Variants in ASIC2 observed in about 807,000 individuals in gnomAD.
The protein encoded by ASIC2 is acid-sensing ion channel 2.
A neutral mutation model predicts 57.3 loss-of-function variants in ASIC2; 25 were observed. The observed-to-expected ratio is 0.44, with a 90% confidence interval of 0.32 to 0.61. ASIC2 has a LOEUF of 0.61. Ranked by LOEUF, ASIC2 falls within the 20% of genes least tolerant of loss-of-function variation. ASIC2 has a pLI of 0.06. For synonymous variants in ASIC2, 319 were observed against 307.5 expected (o/e 1.04, Z -0.39); for missense variants, 641 against 738.1 (o/e 0.87, Z 1.52).
At chr17:33,830,457 G>C (rs1368863110) in intron 1 of ASIC2, among the ~76,000 whole-genome samples, 1 of 152,098 alleles carries the variant, frequency 6.6e-6, no homozygotes, top group African/African-American at 2.4e-5. Context: ...TTGTGGTCAT[G>C]TGGACCTCCC....
intron 1 of ASIC2, among the ~76,000 whole-genome samples, chr17:33,924,759 C>T (rs1314821879): frequency 6.6e-6 from 1 of 152,190 alleles, no homozygotes; most frequent in Admixed American, 6.5e-5. Context: ...CCTGCTGTCT[C>T]GGGCTGTTCA....
chr17:33,088,852 A>G lies in ASIC2; in HGVS notation c.987+11T>C, dbSNP rs1277415471. On this transcript the variant is annotated intron_variant, in intron 3 of 9. Coordinates refer to ENST00000225823, the MANE Select transcript of ASIC2 (RefSeq NM_183377.2). ...TGAGGACCATCAATCCTGGGAGCCC[A>G]GGGAACTTACCCTCTGCTCCTGTGT... 7 of 1,606,516 alleles carry G rather than the reference A, an allele frequency of 4.4e-6. No homozygotes were observed. The highest frequency in any genetic ancestry group is 1.3e-5 in the African/African-American group (1 of 74,838).
chr17:33,917,278 C>A (rs541422129), intron 1 of ASIC2, among the ~76,000 whole-genome samples: 2 of 152,300 alleles, frequency 1.3e-5, no homozygotes, highest in South Asian at 4.1e-4. Flanking sequence ...GGTGTCCCAA[C>A]AGGGCCTCAG....
intron 1 of ASIC2, among the ~76,000 whole-genome samples, chr17:33,474,771 G>A (rs181293536): frequency 3.9e-5 from 6 of 152,352 alleles, no homozygotes; most frequent in African/African-American, 1.4e-4. Context: ...AGGTGACAGA[G>A]GGTGGAGAGT....
intron 1 of ASIC2, among the ~76,000 whole-genome samples, chr17:33,344,872 T>A (rs1907881530): frequency 6.6e-6 from 1 of 151,930 alleles, no homozygotes; most frequent in Non-Finnish European, 1.5e-5. Flanking sequence ...TACTCTTGAA[T>A]GAATGAATAT....
intron 1 of ASIC2, among the ~76,000 whole-genome samples, chr17:34,077,403 C>T (rs1035860085): frequency 1.3e-5 from 2 of 152,142 alleles, no homozygotes; most frequent in African/African-American, 2.4e-5. Flanking sequence ...TGTTTGCCCA[C>T]GTCATACCCT....
chr17:33,361,245 G>T (rs1051861025), intron 1 of ASIC2, among the ~76,000 whole-genome samples: 6 of 152,190 alleles, frequency 3.9e-5, no homozygotes, highest in Non-Finnish European at 8.8e-5. Flanking sequence ...TGGGCTCAGG[G>T]AACAAAGGGG....
intron 1 of ASIC2, among the ~76,000 whole-genome samples, chr17:33,826,687 G>A (rs1912927101): frequency 6.6e-6 from 1 of 152,144 alleles, no homozygotes; most frequent in South Asian, 2.1e-4. Context: ...TGCTCCTAAG[G>A]ACCAAAGGTA....
intron 1 of ASIC2, among the ~76,000 whole-genome samples, chr17:34,066,763 C>T (rs189602630): frequency 1.3e-5 from 2 of 152,254 alleles, no homozygotes; most frequent in African/African-American, 4.8e-5. Context: ...ACAGAAGGGC[C>T]AAAGTGGACT....
At chr17:33,891,293 A>T (rs1914954582) in intron 1 of ASIC2, among the ~76,000 whole-genome samples, 1 of 152,190 alleles carries the variant, frequency 6.6e-6, no homozygotes, top group Non-Finnish European at 1.5e-5. Flanking sequence ...TCTGAAGAAC[A>T]CATAGTCCTT....
intron 1 of ASIC2, among the ~76,000 whole-genome samples, chr17:33,387,436 T>C (rs1342057012): frequency 6.6e-6 from 1 of 152,252 alleles, no homozygotes; most frequent in Non-Finnish European, 1.5e-5. Context: ...GAGTTAGTCC[T>C]GTACCAACAG....
At chr17:33,415,713 A>G (rs1428883272) in intron 1 of ASIC2, among the ~76,000 whole-genome samples, 1 of 151,540 alleles carries the variant, frequency 6.6e-6, no homozygotes, top group South Asian at 2.1e-4. Flanking sequence ...GCTGGAGGGG[A>G]GAGAGAGAGA....
intron 1 of ASIC2, among the ~76,000 whole-genome samples, chr17:33,605,330 T>C (rs1031737929): frequency 2.0e-5 from 3 of 152,232 alleles, no homozygotes; most frequent in Non-Finnish European, 4.4e-5. Flanking sequence ...GAGTAGCTCC[T>C]GTGCAGGGTC....
rs12939417 is a variant in ASIC2, at chr17:33,554,302, T to C, written c.556-442235A>G. Among the ~76,000 whole-genome samples, 675 of 151,990 alleles carry C rather than the reference T, an allele frequency of 4.4e-3. 7 individuals carry two copies. Among genetic ancestry groups the C allele is most frequent in the African/African-American group, 0.011 (466 of 41,404 alleles). On this transcript the variant is annotated intron_variant, in intron 1 of 9. Transcript: ENST00000359872. ...GTCCTGAGTGGGTTTGAAGTTTAAG[T>C]GGGGGAAGGGAGAGAGATAGTAATG... is the stretch of plus-strand genomic sequence containing the variant.
chr17:33,340,386 A>C (rs1434628358), intron 1 of ASIC2, among the ~76,000 whole-genome samples: 1 of 152,190 alleles, frequency 6.6e-6, no homozygotes, highest in Non-Finnish European at 1.5e-5. Flanking sequence ...TAAGGTCCAG[A>C]AAGTTCTTAA....
At chr17:33,150,438 A>G (rs1351894784) in intron 1 of ASIC2, among the ~76,000 whole-genome samples, 1 of 152,210 alleles carries the variant, frequency 6.6e-6, no homozygotes, top group Non-Finnish European at 1.5e-5. Flanking sequence ...TCCTCCTGGA[A>G]AGATGTTGTC....
At chr17:33,541,510 G>A (rs71377498) in intron 1 of ASIC2, among the ~76,000 whole-genome samples, 3,257 of 152,232 alleles carry the variant, frequency 0.021, 99 homozygotes, top group African/African-American at 0.065. Flanking sequence ...CCACTGGGGC[G>A]AACGAGGTTC....
intron 1 of ASIC2, among the ~76,000 whole-genome samples, chr17:33,948,396 G>A (rs1298624152): frequency 1.3e-5 from 2 of 152,174 alleles, no homozygotes; most frequent in Non-Finnish European, 2.9e-5. Flanking sequence ...CATGTGGCCT[G>A]GCCCTTTGCA....
chr17:34,007,351 C>A (rs1174292388), intron 1 of ASIC2, among the ~76,000 whole-genome samples: 1 of 152,184 alleles, frequency 6.6e-6, no homozygotes, highest in African/African-American at 2.4e-5. Context: ...AACTACTCAC[C>A]CTGGGGAGGT....
Sources: gnomAD v4.1 joint callset for allele counts (sites outside exome capture counted in the v4.1 genomes callset) on GRCh38, gnomAD v4.1.1 for gene constraint, MANE v1.5 for transcripts, NCBI Gene and HGNC (gene_info 2026-07-23, HGNC 2026-07-21) for gene names.